Variants in WNT9B observed in about 807,000 individuals in gnomAD.
The protein encoded by WNT9B is Wnt family member 9B.
WNT9B carries 12 observed loss-of-function variants against 30.2 expected under a neutral mutation model. The ratio of observed to expected loss-of-function variants is 0.40; its 90% confidence interval spans 0.26 to 0.64. WNT9B has a LOEUF of 0.64. Among genes scored for constraint, WNT9B ranks in the 30% least tolerant of loss-of-function variants. WNT9B has a pLI of 0.42. For missense variants in WNT9B, 442 were observed against 485.2 expected, an observed-to-expected ratio of 0.91 and a Z score of 0.84; for synonymous variants, 218 against 216.9, an observed-to-expected ratio of 1.01 and a Z score of -0.05.
At chr17:46,874,393 C>T (rs2085307755) in intron 2 of WNT9B, among the ~76,000 whole-genome samples, 1 of 152,176 alleles carries the variant, frequency 6.6e-6, no homozygotes, top group African/African-American at 2.4e-5. Flanking sequence ...CATACACCGA[C>T]CTGGAGTCAA....
rs1186584056 is a variant in WNT9B at position 46,875,106 on chromosome 17, A to G, written c.340A>G (p.Lys114Glu). The G allele has an allele frequency of 6.2e-7, 1 of 1,613,616 alleles. No homozygotes were observed. Among genetic ancestry groups the G allele is most frequent in the Non-Finnish European group, 8.5e-7 (1 of 1,180,036 alleles). The change falls in exon 3 of 4, where the codon AAA becomes GAA. Residue 114 changes from lysine (K) to glutamate (E), a missense_variant. By Grantham distance (56) the Lys-to-Glu change is moderately conservative. Transcript: ENST00000290015. Reference protein sequence around the residue: ...GRMGLLKRGFKETAFLYAVSS... With the variant: ...GRMGLLKRGFEETAFLYAVSS... ...CCCCTGGGTGCCCGATCCAGGCTTCAAAGAGACAGCTTTCCTGTACGCGGT... is the reference window on the plus strand; with the variant it reads ...CCCCTGGGTGCCCGATCCAGGCTTCGAAGAGACAGCTTTCCTGTACGCGGT...
upstream of WNT9B, among the ~76,000 whole-genome samples, chr17:46,847,578 G>A (rs573852138): frequency 3.9e-5 from 6 of 152,354 alleles, no homozygotes; most frequent in African/African-American, 1.2e-4. Context: ...GAGAGGGACA[G>A]GTGAGCCCAC....
intron 1 of WNT9B, among the ~76,000 whole-genome samples, chr17:46,871,346 G>A (rs911162731): frequency 2.0e-5 from 3 of 152,170 alleles, no homozygotes; most frequent in Non-Finnish European, 1.5e-5. Flanking sequence ...TTTTGAACCA[G>A]CAGAGCCATC....
At chr17:46,883,930 G>A (rs1340266127), downstream of WNT9B, among the ~76,000 whole-genome samples, 2 of 152,058 alleles carry the variant, frequency 1.3e-5, no homozygotes, top group Admixed American at 6.5e-5. Context: ...TTCCTCCCTG[G>A]CTCTCTTGGG....
At chr17:46,884,922 T>G (rs901832612), downstream of WNT9B, 5 of 348,518 alleles carry the variant, frequency 1.4e-5, no homozygotes, top group Non-Finnish European at 2.8e-5. Context: ...CAGTGAAATT[T>G]GTGAACTCCC....
At chr17:46,862,119 T>C (rs9892137) in intron 1 of WNT9B, among the ~76,000 whole-genome samples, 2,910 of 143,440 alleles carry the variant, frequency 0.02, 90 homozygotes, top group African/African-American at 0.072. Flanking sequence ...GCCGAGATTG[T>C]GCCATTGCAC....
chr17:46,850,199 A>T (rs57393459), upstream of WNT9B, among the ~76,000 whole-genome samples: 251 of 152,334 alleles, frequency 1.6e-3, no homozygotes, highest in African/African-American at 5.6e-3. Flanking sequence ...ATTTCTCATC[A>T]TCCATATTTC....
chr17:46,867,520 T>A (rs1216427981), intron 1 of WNT9B, among the ~76,000 whole-genome samples: 1 of 152,196 alleles, frequency 6.6e-6, no homozygotes, highest in East Asian at 1.9e-4. Context: ...GGGCATGAGA[T>A]CCTTGGGCCC....
chr17:46,843,166 G>C (rs1364726153), intron 1 of WNT9B, among the ~76,000 whole-genome samples: 1 of 152,258 alleles, frequency 6.6e-6, no homozygotes, highest in African/African-American at 2.4e-5. Flanking sequence ...ATTAATATCG[G>C]AGCTGGGGGA....
intron 2 of WNT9B, 161 bp from the exon 3 acceptor site, chr17:46,874,940 C>T: frequency 9.0e-7 from 1 of 1,111,110 alleles, no homozygotes; most frequent in Non-Finnish European, 1.4e-6. Flanking sequence ...CAGGGAGACC[C>T]ACCCGGAGCT....
intron 1 of WNT9B, among the ~76,000 whole-genome samples, chr17:46,840,057 TCTTTC>T (rs2084694246): frequency 1.3e-5 from 2 of 150,468 alleles, no homozygotes; most frequent in South Asian, 4.2e-4. Flanking sequence ...TCTCTCTCTC[TCTTTC>T]CTTTCTTTCC....
chr17:46,855,784 C>T (rs190006704), intron 1 of WNT9B, among the ~76,000 whole-genome samples: 1 of 150,488 alleles, frequency 6.6e-6, no homozygotes, highest in Non-Finnish European at 1.5e-5. Context: ...TTGCAACCTC[C>T]ACCTCCCAAG....
chr17:46,884,032 A>G (rs1426148655), downstream of WNT9B, among the ~76,000 whole-genome samples: 4 of 151,932 alleles, frequency 2.6e-5, no homozygotes, highest in Non-Finnish European at 5.9e-5. Flanking sequence ...TGGGCAGTGG[A>G]GTGGTGGAGG....
At chr17:46,846,778 G>T (rs572375507), upstream of WNT9B, among the ~76,000 whole-genome samples, 1 of 152,250 alleles carries the variant, frequency 6.6e-6, no homozygotes, top group Non-Finnish European at 1.5e-5. Flanking sequence ...AGAGTTCTGT[G>T]AGGAAGAAGA....
chr17:46,842,689 A>C (rs975001838), intron 1 of WNT9B, among the ~76,000 whole-genome samples: 2 of 152,180 alleles, frequency 1.3e-5, no homozygotes, highest in Non-Finnish European at 2.9e-5. Flanking sequence ...TTTTATTCAA[A>C]GTCCTTTTGT....
At chr17:46,882,910 C>T (rs2085441846), downstream of WNT9B, among the ~76,000 whole-genome samples, 1 of 152,166 alleles carries the variant, frequency 6.6e-6, no homozygotes, top group Non-Finnish European at 1.5e-5. Context: ...CCACCCCACA[C>T]AGGCATTCCT....
intron 1 of WNT9B, among the ~76,000 whole-genome samples, chr17:46,867,590 C>T (rs975871244): frequency 6.6e-6 from 1 of 152,170 alleles, no homozygotes; most frequent in Non-Finnish European, 1.5e-5. Context: ...GTCCTGCTGA[C>T]GGTGGACAGA....
At chr17:46,853,363 CTTTTT>C (rs35252647) in intron 1 of WNT9B, among the ~76,000 whole-genome samples, 40 of 78,906 alleles carry the variant, frequency 5.1e-4, no homozygotes, top group Non-Finnish European at 5.4e-4. Flanking sequence ...ATGCTAGTGA[CTTTTT>C]TTTTTTTTTT....
intron 1 of WNT9B, among the ~76,000 whole-genome samples, chr17:46,834,239 C>T (rs1333646660): frequency 6.6e-6 from 1 of 152,142 alleles, no homozygotes; most frequent in African/African-American, 2.4e-5. Context: ...GGGGCTGAAT[C>T]TCCATGAGGT....
Sources: gnomAD v4.1 joint callset for allele counts (sites outside exome capture counted in the v4.1 genomes callset) on GRCh38, gnomAD v4.1.1 for gene constraint, MANE v1.5 for transcripts, NCBI Gene and HGNC (gene_info 2026-07-23, HGNC 2026-07-21) for gene names.